Variants in ZDHHC15 observed in about 807,000 individuals in gnomAD.
ZDHHC15 encodes zDHHC palmitoyltransferase 15, also known as palmitoyltransferase ZDHHC15.
ZDHHC15 carries 19 observed loss-of-function variants against 31.7 expected under a neutral mutation model. That is an observed-to-expected ratio of 0.60 (90% confidence interval 0.42 to 0.88). The LOEUF is 0.88. ZDHHC15 is among the 40% of genes least tolerant of loss of function. The pLI is 0.00. For synonymous variants in ZDHHC15, 103 were observed against 90.0 expected (o/e 1.14, Z -0.82); for missense variants, 209 against 251.2 (o/e 0.83, Z 1.14).
chrX:75,441,097 C>G (rs767571176), intron 4 of ZDHHC15, among the ~76,000 whole-genome samples: 6 of 112,060 alleles, frequency 5.4e-5, no homozygotes, highest in Non-Finnish European at 7.5e-5. Flanking sequence ...CTACAAGCAT[C>G]CCCATGGAGA....
At chrX:75,438,690 T>C (rs1186520320) in intron 4 of ZDHHC15, among the ~76,000 whole-genome samples, 1 of 111,679 alleles carries the variant, frequency 9.0e-6, no homozygotes, top group Non-Finnish European at 1.9e-5. Flanking sequence ...TATCATTCTA[T>C]TCATCATGCT....
chrX:75,476,179 C>T (rs1230855195), intron 3 of ZDHHC15, among the ~76,000 whole-genome samples: 1 of 110,736 alleles, frequency 9.0e-6, no homozygotes, highest in Non-Finnish European at 1.9e-5. Context: ...AATTTTACTT[C>T]TTCCTGTTCA....
At chrX:75,447,113 C>A (rs187992855) in intron 4 of ZDHHC15, among the ~76,000 whole-genome samples, 97 of 111,799 alleles carry the variant, frequency 8.7e-4, no homozygotes, top group African/African-American at 2.9e-3. Context: ...CTCACCAAGG[C>A]TGACCTGGCT....
At chrX:75,499,700 T>G (rs1243447987) in intron 2 of ZDHHC15, among the ~76,000 whole-genome samples, 1 of 112,138 alleles carries the variant, frequency 8.9e-6, no homozygotes. Context: ...TTACAACCAC[T>G]ATGGAAAACA....
intron 2 of ZDHHC15, 29 bp downstream of exon 2, chrX:75,505,792 G>C (rs2085150505): frequency 1.7e-6 from 2 of 1,207,420 alleles, no homozygotes; most frequent in Non-Finnish European, 2.2e-6. Context: ...ACACGGTCCT[G>C]ATCAATACAA....
At chrX:75,448,151 C>A (rs1482018702) in intron 4 of ZDHHC15, among the ~76,000 whole-genome samples, 1 of 112,160 alleles carries the variant, frequency 8.9e-6, no homozygotes, top group Non-Finnish European at 1.9e-5. Flanking sequence ...ACAGGAGGTG[C>A]CTTAGGGCAT....
intron 10 of ZDHHC15, among the ~76,000 whole-genome samples, chrX:75,404,620 T>C (rs1156931602): frequency 2.7e-5 from 3 of 111,048 alleles, no homozygotes; most frequent in Non-Finnish European, 3.8e-5. Flanking sequence ...AACAAACATA[T>C]AAAAAAAGCT....
intron 10 of ZDHHC15, among the ~76,000 whole-genome samples, chrX:75,402,031 C>A (rs1222132740): frequency 1.8e-5 from 2 of 112,098 alleles, no homozygotes; most frequent in Admixed American, 9.4e-5. Flanking sequence ...GAAAATCTTA[C>A]AAAACACACT....
intron 11 of ZDHHC15, among the ~76,000 whole-genome samples, chrX:75,376,750 T>C (rs1278520286): frequency 8.9e-6 from 1 of 112,035 alleles, no homozygotes; most frequent in East Asian, 2.8e-4. Flanking sequence ...GCTTTGTAAA[T>C]TAAGCATATT....
chrX:75,484,985 T>C lies in ZDHHC15; in HGVS notation c.164-6000A>G, dbSNP rs565742039. 1.3e-4 allele frequency among the ~76,000 whole-genome samples: 15 copies of C among 111,994 alleles called. 1 individual carries two copies. In the South Asian group the frequency reaches 5.6e-3, roughly 42 times the overall value. On this transcript the variant is annotated intron_variant, in intron 2 of 11. Coordinates refer to ENST00000373367, the MANE Select transcript of ZDHHC15 (RefSeq NM_144969.3). ...TACAAAAGGCTCCATACTGTATGAT[T>C]CAATTTATATAACTATGGGAAAGGT... is the stretch of plus-strand genomic sequence containing the variant.
intron 2 of ZDHHC15, among the ~76,000 whole-genome samples, chrX:75,488,962 G>T (rs1387235584): frequency 2.7e-5 from 3 of 111,926 alleles, no homozygotes; most frequent in African/African-American, 9.7e-5. Flanking sequence ...TCCCACGCCT[G>T]GTTCGGAGGA....
chrX:75,410,742 C>T (rs2083476057), intron 10 of ZDHHC15, among the ~76,000 whole-genome samples: 1 of 111,797 alleles, frequency 8.9e-6, no homozygotes, highest in Non-Finnish European at 1.9e-5. Flanking sequence ...GGGTACACAT[C>T]CAAAAGAAAG....
At chrX:75,471,142 GAC>G (rs773320805) in intron 3 of ZDHHC15, among the ~76,000 whole-genome samples, 1 of 112,451 alleles carries the variant, frequency 8.9e-6, no homozygotes, top group South Asian at 3.7e-4. Context: ...CTGGTATGCA[GAC>G]ATTGACTTAG....
At chrX:75,514,445 C>G (rs2085324644) in intron 1 of ZDHHC15, among the ~76,000 whole-genome samples, 1 of 111,867 alleles carries the variant, frequency 8.9e-6, no homozygotes, top group African/African-American at 3.2e-5. Context: ...TGAATAGGAA[C>G]AGCTGCAGTC....
rs1310970550 is a variant in ZDHHC15, at chrX:75,478,942, G to C, written c.207C>G (p.Thr69=). ...TAAAGATAGACTTCCAGTAGGTCCAGGTAAAGAACACAAAGATGGCATGGT... is the reference window on the plus strand; with the variant it reads ...TAAAGATAGACTTCCAGTAGGTCCACGTAAAGAACACAAAGATGGCATGGT... The part of the protein sequence containing the change: ...ILYHAIFVFF[T]WTYWKSIFTL... The change falls in exon 3 of 12, where the codon ACC becomes ACG. Residue 69 remains threonine (T), a synonymous_variant. Coordinates refer to ENST00000373367, the MANE Select transcript of ZDHHC15 (RefSeq NM_144969.3). 1 of 1,204,605 alleles carries C rather than the reference G, an allele frequency of 8.3e-7. No homozygotes were observed. The highest frequency in any genetic ancestry group is 3.0e-5 in the East Asian group (1 of 33,596).
At chrX:75,458,501 A>G (rs894244093) in intron 3 of ZDHHC15, among the ~76,000 whole-genome samples, 11 of 112,026 alleles carry the variant, frequency 9.8e-5, no homozygotes, top group South Asian at 3.7e-4. Context: ...ATAATAAAAT[A>G]TTTGAGATAA....
chrX:75,443,203 C>A (rs751202643), intron 4 of ZDHHC15, among the ~76,000 whole-genome samples: 10 of 110,169 alleles, frequency 9.1e-5, no homozygotes, highest in Admixed American at 3.9e-4. Context: ...TGCTACCTGA[C>A]TTCAAACTCT....
intron 3 of ZDHHC15, among the ~76,000 whole-genome samples, chrX:75,474,470 C>T (rs34287731): frequency 6.7e-5 from 5 of 74,176 alleles, no homozygotes; most frequent in Non-Finnish European, 8.8e-5. Flanking sequence ...CACACACACA[C>T]ACATATATGT....
intron 2 of ZDHHC15, among the ~76,000 whole-genome samples, chrX:75,504,738 T>G (rs1336784110): frequency 9.0e-6 from 1 of 111,428 alleles, no homozygotes; most frequent in Non-Finnish European, 1.9e-5. Context: ...AATATTTATA[T>G]ATAATTATTT....
Sources: allele counts gnomAD v4.1 joint callset (sites outside exome capture counted in the v4.1 genomes callset), GRCh38; gene constraint gnomAD v4.1.1; transcripts MANE v1.5; gene names NCBI Gene and HGNC (gene_info 2026-07-23, HGNC 2026-07-21).